CSGALNACT1: variants seen among roughly 807,000 people sequenced by gnomAD.
CSGALNACT1 encodes chondroitin sulfate N-acetylgalactosaminyltransferase 1.
A neutral mutation model predicts 51.0 loss-of-function variants in CSGALNACT1; 52 were observed. The observed-to-expected ratio is 1.02, with a 90% confidence interval of 0.82 to 1.29. The LOEUF is 1.29. Among genes scored for constraint, CSGALNACT1 ranks in the 50% most tolerant of loss-of-function variants. The pLI, the probability that CSGALNACT1 is intolerant of heterozygous loss-of-function variation, is 0.00. For missense variants in CSGALNACT1, 935 were observed against 679.2 expected (o/e 1.38, Z -4.19); for synonymous variants, 341 against 254.4 (o/e 1.34, Z -3.24).
At chr8:19,735,302 T>A (rs1295934599) in intron 1 of CSGALNACT1, among the ~76,000 whole-genome samples, 1 of 152,114 alleles carries the variant, frequency 6.6e-6, no homozygotes, top group Non-Finnish European at 1.5e-5. Context: ...AATTTCCATA[T>A]CAAAGATTTC....
chr8:19,518,793 G>A (rs1298386705), intron 3 of CSGALNACT1, among the ~76,000 whole-genome samples: 1 of 152,176 alleles, frequency 6.6e-6, no homozygotes, highest in Non-Finnish European at 1.5e-5. Flanking sequence ...GCAGATTGCA[G>A]GCAGAGATGC....
chr8:19,585,374 C>A lies in CSGALNACT1; in HGVS notation c.-297+5786G>T, dbSNP rs2046404000. 3 of 152,220 alleles carry A rather than the reference C, an allele frequency of 2.0e-5. 1 individual carries two copies. The highest frequency in any genetic ancestry group is 2.0e-4 in the Admixed American group (3 of 15,288). The allele number at this position is 152,220 out of a possible 1,614,324, so 9.4% of individuals were successfully genotyped here. On this transcript the variant is annotated intron_variant, in intron 3 of 9. Transcript: ENST00000454498. ...CCGAAAGAAGGAAAGACACAAACGT[C>A]CTCATCAAAGCACTCATGGGCCACA...
Position 19,439,828 on chromosome 8 carries a change from A to T in CSGALNACT1, c.953+2T>A, listed in dbSNP as rs2061012816. On this transcript the variant is annotated splice_donor_variant, in intron 6 of 9. Transcript: ENST00000454498. LOFTEE classifies it high-confidence loss of function. ...CTTATGACAGCTCCGTATTGTACTCACTTGGAAGTGTTTTCAAGTATTCCT... is the reference window on the plus strand; with the variant it reads ...CTTATGACAGCTCCGTATTGTACTCTCTTGGAAGTGTTTTCAAGTATTCCT... 1 of 1,610,864 alleles carries T rather than the reference A, an allele frequency of 6.2e-7. No individual in the cohort carries two copies. Among genetic ancestry groups the T allele is most frequent in the Non-Finnish European group, 8.5e-7 (1 of 1,177,234 alleles).
chr8:19,667,019 GGAA>G (rs2059388862), intron 1 of CSGALNACT1, among the ~76,000 whole-genome samples: 2 of 29,308 alleles, frequency 6.8e-5, no homozygotes, highest in African/African-American at 4.4e-4. Flanking sequence ...AAGAAAGAAA[GGAA>G]GGAAGGAAGG....
At chr8:19,461,006 T>G (rs1157865433) in intron 4 of CSGALNACT1, among the ~76,000 whole-genome samples, 1 of 152,084 alleles carries the variant, frequency 6.6e-6, no homozygotes, top group Non-Finnish European at 1.5e-5. Context: ...TCCCCAGCAG[T>G]GAACACAGCT....
intron 1 of CSGALNACT1, among the ~76,000 whole-genome samples, chr8:19,618,908 A>C (rs2053444468): frequency 6.6e-6 from 1 of 152,116 alleles, no homozygotes; most frequent in South Asian, 2.1e-4. Context: ...CCGCTGTAAG[A>C]GAAGAGAAAT....
chr8:19,684,221 G>A (rs1441005659), upstream of CSGALNACT1, among the ~76,000 whole-genome samples: 3 of 151,842 alleles, frequency 2.0e-5, 1 homozygote, highest in East Asian at 5.8e-4. Flanking sequence ...GCAACAGACA[G>A]GCAGATCAAT....
chr8:19,586,088 T>G (rs868554472), intron 3 of CSGALNACT1, among the ~76,000 whole-genome samples: 21 of 151,996 alleles, frequency 1.4e-4, no homozygotes, highest in African/African-American at 4.8e-4. Context: ...TGGGGCTGGG[T>G]GTGGTGGTTC....
intron 4 of CSGALNACT1, among the ~76,000 whole-genome samples, chr8:19,465,416 G>A (rs974848676): frequency 4.6e-5 from 7 of 152,126 alleles, no homozygotes; most frequent in Non-Finnish European, 7.3e-5. Flanking sequence ...CTCTGAAGAT[G>A]GATGGTGGTG....
intron 1 of CSGALNACT1, among the ~76,000 whole-genome samples, chr8:19,649,836 A>AAAAAAAAAAAAC (rs1343110490): frequency 6.7e-6 from 1 of 148,248 alleles, no homozygotes; most frequent in African/African-American, 2.5e-5. Context: ...AAAAAAAAAA[A>AAAAAAAAAAAAC]AAAAAAAAAC....
chr8:19,576,423 C>T (rs1234978784), intron 3 of CSGALNACT1, among the ~76,000 whole-genome samples: 1 of 152,098 alleles, frequency 6.6e-6, no homozygotes, highest in Non-Finnish European at 1.5e-5. Context: ...AAAGTCCTGA[C>T]CTCAGATGAT....
chr8:19,544,535 T>A (rs2086027065), intron 3 of CSGALNACT1, among the ~76,000 whole-genome samples: 1 of 152,200 alleles, frequency 6.6e-6, no homozygotes. Flanking sequence ...AAACCAAAGA[T>A]AACTCCGAAC....
At chr8:19,472,532 T>C (rs1206299955) in intron 4 of CSGALNACT1, among the ~76,000 whole-genome samples, 1 of 152,244 alleles carries the variant, frequency 6.6e-6, no homozygotes, top group Non-Finnish European at 1.5e-5. Flanking sequence ...CATTTACTCA[T>C]TTTGAAAAAG....
intron 1 of CSGALNACT1, among the ~76,000 whole-genome samples, chr8:19,739,355 T>C (rs1453353263): frequency 6.6e-6 from 1 of 152,184 alleles, no homozygotes; most frequent in Non-Finnish European, 1.5e-5. Context: ...CTAGGATCTG[T>C]ACAGGTAGCC....
chr8:19,746,871 G>A (rs1027264), intron 1 of CSGALNACT1, among the ~76,000 whole-genome samples: 20,061 of 152,134 alleles, frequency 0.13, 1,470 homozygotes, highest in Non-Finnish European at 0.15. Context: ...TTTCCTACAC[G>A]ATGGAGAGCA....
rs1243993534 is a variant in CSGALNACT1 at position 19,757,457 on chromosome 8, T to A, written c.-297+393A>T. Among the ~76,000 whole-genome samples the A allele has an allele frequency of 6.6e-6, 1 of 151,928 alleles. No individual in the cohort carries two copies. Among genetic ancestry groups the A allele is most frequent in the Non-Finnish European group, 1.5e-5 (1 of 67,964 alleles). On this transcript the variant is annotated intron_variant, in intron 1 of 1. Coordinates refer to the CSGALNACT1 transcript ENST00000517494. The surrounding 1 kb of genome is among the most constrained non-coding windows in gnomAD (Gnocchi z 4.0). ...TCGCGGTTGGCCGCGTACCTCCGCG[T>A]CACCCACGGCCTCTCTGCAGTGCGT...
intron 6 of CSGALNACT1, among the ~76,000 whole-genome samples, chr8:19,433,321 G>T (rs1210424954): frequency 6.6e-6 from 1 of 152,150 alleles, no homozygotes. Context: ...GAGCCTGAAG[G>T]TCAGCCACAA....
At chr8:19,471,130 G>C (rs1431235362) in intron 4 of CSGALNACT1, among the ~76,000 whole-genome samples, 1 of 151,480 alleles carries the variant, frequency 6.6e-6, no homozygotes, top group East Asian at 1.9e-4. Flanking sequence ...AGAGAGAGGG[G>C]AGAGAGAGAG....
chr8:19,571,035 G>T (rs1447704574), intron 3 of CSGALNACT1, among the ~76,000 whole-genome samples: 1 of 152,186 alleles, frequency 6.6e-6, no homozygotes, highest in Non-Finnish European at 1.5e-5. Context: ...CAGAAGTGCA[G>T]TGGCACAATC....
Sources: gnomAD v4.1 joint callset for allele counts (sites outside exome capture counted in the v4.1 genomes callset) on GRCh38, gnomAD v4.1.1 for gene constraint, Gnocchi (gnomAD v3.1) non-coding constraint, MANE v1.5 for transcripts, NCBI Gene and HGNC (gene_info 2026-07-23, HGNC 2026-07-21) for gene names.